Variants in ZBTB1 observed in about 807,000 individuals in gnomAD.
ZBTB1 encodes zinc finger and BTB domain-containing protein 1.
Under a neutral mutation model 51.6 loss-of-function variants are expected in ZBTB1, and 13 were observed. The ratio of observed to expected loss-of-function variants is 0.25; its 90% CI spans 0.16 to 0.40. ZBTB1 has a LOEUF of 0.40. ZBTB1 is among the 10% of genes least tolerant of loss of function. The pLI, the probability that ZBTB1 is intolerant of heterozygous loss-of-function variation, is 1.00. For missense variants in ZBTB1, 567 were observed against 856.5 expected (o/e 0.66, Z 4.22); for synonymous variants, 240 against 282.2 (o/e 0.85, Z 1.50).
At chr14:64,532,161 A>C (rs2140195124) in exon 3 of ZBTB1, 2 of 390,550 alleles carry the variant, frequency 5.1e-6, no homozygotes, top group Middle Eastern at 4.3e-4. Flanking sequence ...TAGAAAATTC[A>C]TACAACATCA....
chr14:64,515,566 G>C lies in ZBTB1; in HGVS notation c.-18-5921G>C, dbSNP rs1052276467. ...GATGGAGTCTTGCTCTGTCGCCCAG[G>C]CTGGAGTGCAGTGGCACAGTCTTGG... On this transcript the variant is annotated intron_variant, in intron 1 of 1. Transcript: ENST00000683701. Among the ~76,000 whole-genome samples the C allele has an allele frequency of 2.0e-5, 3 of 150,120 alleles. No homozygotes were observed. In the East Asian group the frequency reaches 5.9e-4, roughly 29 times the overall value.
downstream of ZBTB1, among the ~76,000 whole-genome samples, chr14:64,529,437 C>T (rs1021362711): frequency 6.6e-6 from 1 of 152,070 alleles, no homozygotes; most frequent in Admixed American, 6.6e-5. Context: ...ACAGAATAAC[C>T]AGTTTCCTCT....
At chr14:64,527,454 C>CA (rs1004373195), downstream of ZBTB1, among the ~76,000 whole-genome samples, 5 of 151,952 alleles carry the variant, frequency 3.3e-5, no homozygotes, top group Admixed American at 6.6e-5. Context: ...ACTAAAAATA[C>CA]AAAAAAATTA....
exon 3 of ZBTB1, chr14:64,533,191 A>G (rs1278374327): frequency 6.6e-6 from 1 of 152,132 alleles, no homozygotes; most frequent in African/African-American, 2.4e-5. Context: ...GTTAATTGCA[A>G]TGTGATAGTG....
At chr14:64,526,895 A>G (rs556743758), downstream of ZBTB1, among the ~76,000 whole-genome samples, 6 of 152,064 alleles carry the variant, frequency 3.9e-5, no homozygotes, top group African/African-American at 1.4e-4. Flanking sequence ...AATTTGTTTA[A>G]TTAGCAGGGC....
chr14:64,531,561 C>T (rs1362433018), intron 2 of ZBTB1, among the ~76,000 whole-genome samples: 1 of 152,176 alleles, frequency 6.6e-6, no homozygotes, highest in Non-Finnish European at 1.5e-5. Flanking sequence ...TTAACTGCTT[C>T]CTTCCTCCCT....
At chr14:64,510,211 T>G (rs952773888) in intron 1 of ZBTB1, among the ~76,000 whole-genome samples, 1 of 152,246 alleles carries the variant, frequency 6.6e-6, no homozygotes. Context: ...CCATGAGAGA[T>G]ATACTTAACA....
At position 64,521,378 on chromosome 14, in the gene ZBTB1, A is replaced by C. The variant is rs556063176; in HGVS notation, c.-18-109A>C. On this transcript the variant is annotated intron_variant, in intron 1 of 1. Coordinates refer to ENST00000683701, the MANE Select transcript of ZBTB1 (RefSeq NM_001123329.2). ...GTTTTATTAGAATGGAAAGCTCTTAATTTCTTGATTGTAATAGCAGTCATG... is the reference window on the plus strand; with the variant it reads ...GTTTTATTAGAATGGAAAGCTCTTACTTTCTTGATTGTAATAGCAGTCATG... 161 of 735,908 alleles carry C rather than the reference A, an allele frequency of 2.2e-4. 2 individuals carry two copies. In the South Asian group the frequency reaches 3.5e-3, roughly 16 times the overall value. The allele number at this position is 735,908 out of a possible 1,614,324, so 45.6% of individuals were successfully genotyped here.
intron 1 of ZBTB1, among the ~76,000 whole-genome samples, chr14:64,513,224 A>G (rs528906550): frequency 6.6e-6 from 1 of 151,424 alleles, no homozygotes; most frequent in East Asian, 1.9e-4. Flanking sequence ...TCACACATAT[A>G]TATTGCATAT....
intron 1 of ZBTB1, among the ~76,000 whole-genome samples, chr14:64,506,537 A>T (rs1485964011): frequency 6.6e-6 from 1 of 152,210 alleles, no homozygotes; most frequent in Non-Finnish European, 1.5e-5. Flanking sequence ...CTGTCTCAAA[A>T]AAACAAACAA....
At chr14:64,525,673 C>G (rs1204085318), downstream of ZBTB1, among the ~76,000 whole-genome samples, 1 of 152,048 alleles carries the variant, frequency 6.6e-6, no homozygotes, top group Non-Finnish European at 1.5e-5. Context: ...ATTATCTATT[C>G]CATTAGGAAG....
rs1323702873 is a variant in ZBTB1 at position 64,522,452 on chromosome 14, A to C, written c.948A>C (p.Lys316Asn). The change falls in exon 2 of 2, where the codon AAA (lysine) becomes AAC (asparagine). Residue 316 changes from lysine to asparagine, a missense_variant. Coordinates refer to ENST00000683701, the MANE Select transcript of ZBTB1 (RefSeq NM_001123329.2). ...TVESEIASEEKSRAAERKRII... is the reference protein window; with the variant it reads ...TVESEIASEENSRAAERKRII... ...AGTCTGAAATAGCAAGCGAAGAGAA[A>C]AGCAGAGCTGCTGAGAGGAAAAGGA... The C allele has an allele frequency of 2.5e-5, 40 of 1,613,984 alleles. No individual in the cohort carries two copies. Among genetic ancestry groups the C allele is most frequent in the Non-Finnish European group, 3.4e-5 (40 of 1,180,034 alleles).
intron 1 of ZBTB1, among the ~76,000 whole-genome samples, chr14:64,507,647 G>A (rs1303579764): frequency 6.6e-6 from 1 of 152,166 alleles, no homozygotes; most frequent in African/African-American, 2.4e-5. Context: ...AAAGGGGAGT[G>A]TTTTGCATTG....
chr14:64,506,774 A>G (rs1265922287), intron 1 of ZBTB1, among the ~76,000 whole-genome samples: 1 of 152,190 alleles, frequency 6.6e-6, no homozygotes, highest in East Asian at 1.9e-4. Context: ...ACGATGGCCT[A>G]CTTTTTTGGG....
chr14:64,523,978 A>T lies in ZBTB1; in HGVS notation c.*332A>T. On this transcript the variant is annotated 3_prime_UTR_variant, in exon 2 of 2. Transcript: ENST00000683701. This position sits in a 1 kb window ranked among gnomAD's most constrained non-coding sequence, Gnocchi z 4.5. ...ATAAGGTGATGACTTCACTATTTCT[A>T]TGTGTTTTTTTTTTTTTAAGGTTAT... The T allele has an allele frequency of 1.0e-6, 1 of 1,000,478 alleles. No individual in the cohort carries two copies. The highest frequency in any genetic ancestry group is 1.2e-6 in the Non-Finnish European group (1 of 829,434). 62.0% of individuals were successfully genotyped at this position (1,000,478 alleles called of 1,614,324 possible). A position where few individuals can be genotyped will look rare whatever the true frequency, so the allele number is the denominator to read the frequency against.
chr14:64,506,464 C>T (rs1386627081), intron 1 of ZBTB1, among the ~76,000 whole-genome samples: 2 of 152,064 alleles, frequency 1.3e-5, no homozygotes, highest in African/African-American at 2.4e-5. Flanking sequence ...ACCTGGGAGG[C>T]GGAGGTTGCA....
chr14:64,507,033 T>C (rs2079670661), intron 1 of ZBTB1, among the ~76,000 whole-genome samples: 1 of 152,236 alleles, frequency 6.6e-6, no homozygotes, highest in Non-Finnish European at 1.5e-5. Flanking sequence ...TTTCCCTTTC[T>C]AATGTGCAGG....
chr14:64,517,781 A>ATTTTTTTTT (rs10590459), intron 1 of ZBTB1, among the ~76,000 whole-genome samples: 2 of 41,562 alleles, frequency 4.8e-5, no homozygotes, highest in Non-Finnish European at 9.2e-5. Context: ...ATATATATAT[A>ATTTTTTTTT]TTTTTTTTTT....
chr14:64,503,794 C>T (rs1566625187), upstream of ZBTB1: 2 of 174,730 alleles, frequency 1.1e-5, no homozygotes, highest in African/African-American at 2.4e-5. Context: ...GCCGGCAGCC[C>T]GCGATGGCCC....
Sources: gnomAD v4.1 joint callset for allele counts (sites outside exome capture counted in the v4.1 genomes callset) on GRCh38, gnomAD v4.1.1 for gene constraint, Gnocchi (gnomAD v3.1) non-coding constraint, MANE v1.5 for transcripts, NCBI Gene and HGNC (gene_info 2026-07-23, HGNC 2026-07-21) for gene names.